Variants in NDUFS4 observed in about 807,000 individuals in gnomAD.
NDUFS4 encodes the protein NADH:ubiquinone oxidoreductase subunit S4.
NDUFS4 carries 28 observed loss-of-function variants against 24.3 expected under a neutral mutation model. That is an observed-to-expected ratio of 1.15 (90% confidence interval 0.85 to 1.58). The LOEUF is 1.58. NDUFS4 is among the 40% of genes most tolerant of loss of function. The pLI is 0.00. For synonymous variants in NDUFS4, 93 were observed against 69.7 expected (o/e 1.34, Z -1.67); for missense variants, 223 against 207.9 (o/e 1.07, Z -0.45).
intron 4 of NDUFS4, among the ~76,000 whole-genome samples, chr5:53,662,274 G>T (rs1396164921): frequency 6.6e-6 from 1 of 152,084 alleles, no homozygotes; most frequent in African/African-American, 2.4e-5. Context: ...TTTGTCTTTG[G>T]TTCTGTTTAT....
intron 4 of NDUFS4, among the ~76,000 whole-genome samples, chr5:53,673,339 A>G (rs556740441): frequency 4.0e-4 from 61 of 152,236 alleles, no homozygotes; most frequent in African/African-American, 1.4e-3. Context: ...GATTTTCCAG[A>G]GGCCCTCTAG....
chr5:53,630,811 G>T (rs1026272015), intron 2 of NDUFS4, among the ~76,000 whole-genome samples: 2 of 152,004 alleles, frequency 1.3e-5, no homozygotes, highest in Admixed American at 1.3e-4. Flanking sequence ...TAGCTTCCTT[G>T]TTTTGGGTTA....
rs528401800 is a variant in NDUFS4 at position 53,637,231 on chromosome 5, G to A, written c.178-9002G>A. ...GTCCCCAAGTATCCTGAGGTTCCTA[G>A]GCCTTCCAAGAAGTAGCATTCCTTA... is the stretch of plus-strand genomic sequence containing the variant. On this transcript the variant is annotated intron_variant, in intron 2 of 4. Coordinates refer to ENST00000296684, the MANE Select transcript of NDUFS4 (RefSeq NM_002495.4). Among the ~76,000 whole-genome samples, 60 of 152,208 alleles carry A rather than the reference G, an allele frequency of 3.9e-4. 1 individual carries two copies. In the East Asian group the frequency reaches 9.7e-3, roughly 25 times the overall value.
chr5:53,592,974 T>A (rs934494665), intron 1 of NDUFS4, among the ~76,000 whole-genome samples: 2 of 152,166 alleles, frequency 1.3e-5, no homozygotes, highest in African/African-American at 4.8e-5. Flanking sequence ...AATTTTTGCA[T>A]CTATATTTAT....
At chr5:53,609,970 A>G (rs183396022) in intron 2 of NDUFS4, among the ~76,000 whole-genome samples, 61 of 152,282 alleles carry the variant, frequency 4.0e-4, no homozygotes, top group Non-Finnish European at 6.3e-4. Context: ...CCAGTTAGCA[A>G]TAAGGCTGTC....
intron 1 of NDUFS4, chr5:53,573,617 C>T (rs1431936074): frequency 2.2e-6 from 1 of 452,106 alleles, no homozygotes; most frequent in Non-Finnish European, 4.4e-6. Flanking sequence ...GAGACAGGGC[C>T]TTGCTCTGTC....
chr5:53,660,689 G>T (rs1272379025), intron 4 of NDUFS4, among the ~76,000 whole-genome samples: 2 of 151,876 alleles, frequency 1.3e-5, no homozygotes, highest in South Asian at 2.1e-4. Context: ...AATGATCGCC[G>T]TTCTAACTGG....
At chr5:53,682,628 C>CTATAG (rs2111614887) in intron 4 of NDUFS4, among the ~76,000 whole-genome samples, 1 of 152,094 alleles carries the variant, frequency 6.6e-6, no homozygotes, top group East Asian at 1.9e-4. Flanking sequence ...TCCACTTCAA[C>CTATAG]TATAGTACAC....
intron 1 of NDUFS4, among the ~76,000 whole-genome samples, chr5:53,577,083 T>C (rs888912883): frequency 2.6e-5 from 4 of 152,054 alleles, no homozygotes; most frequent in Admixed American, 2.6e-4. Flanking sequence ...ATTTGAGAGC[T>C]TGCCTGGGAA....
At chr5:53,631,315 T>C (rs1268363115) in intron 2 of NDUFS4, among the ~76,000 whole-genome samples, 2 of 152,206 alleles carry the variant, frequency 1.3e-5, no homozygotes, top group Non-Finnish European at 2.9e-5. Context: ...ATGAGGTGTC[T>C]GTCGGCCCCT....
At chr5:53,570,770 G>A (rs371928712) in intron 1 of NDUFS4, among the ~76,000 whole-genome samples, 26 of 143,132 alleles carry the variant, frequency 1.8e-4, no homozygotes, top group South Asian at 1.4e-3. Context: ...TGCAAGCTCC[G>A]CCTCCCAGGT....
chr5:53,607,753 A>C (rs1579866389), intron 2 of NDUFS4, among the ~76,000 whole-genome samples: 1 of 152,210 alleles, frequency 6.6e-6, no homozygotes, highest in East Asian at 1.9e-4. Context: ...TATCTGTATG[A>C]TAATGAGTTT....
intron 2 of NDUFS4, among the ~76,000 whole-genome samples, chr5:53,641,766 T>C (rs1253221306): frequency 6.6e-6 from 1 of 152,160 alleles, no homozygotes; most frequent in Admixed American, 6.6e-5. Context: ...TTAATGAGTT[T>C]CTTGCTTTAA....
At chr5:53,633,686 G>A (rs1751472564) in intron 2 of NDUFS4, among the ~76,000 whole-genome samples, 1 of 151,892 alleles carries the variant, frequency 6.6e-6, no homozygotes, top group South Asian at 2.1e-4. Context: ...CTTTTGTTTT[G>A]GGACCCTCAA....
At chr5:53,680,709 C>G (rs11748487) in intron 4 of NDUFS4, among the ~76,000 whole-genome samples, 1 of 147,368 alleles carries the variant, frequency 6.8e-6, no homozygotes, top group Non-Finnish European at 1.5e-5. Context: ...GTGGGGGGAG[C>G]GGGGAGGGAT....
In NDUFS4 at chr5:53,646,305, C is replaced by T. The variant is rs184765529; in HGVS notation, c.250C>T (p.Arg84Cys). 28 of 1,613,058 alleles carry T rather than the reference C, an allele frequency of 1.7e-5. No homozygotes were observed. The highest frequency in any genetic ancestry group is 5.5e-5 in the South Asian group (5 of 91,034). ...AAAAGTCAGGATCTTTGTTCCTGCT[C>T]GCAATAACATGCAGTCTGGAGTAAA... Reference protein sequence around the residue: ...TRKVRIFVPARNNMQSGVNNT... With the variant: ...TRKVRIFVPACNNMQSGVNNT... Residue 84 changes from arginine (R) to cysteine (C), a missense_variant, in exon 3 of 5, where the codon CGC becomes TGC. Arg to Cys is a radical substitution (Grantham distance 180). Coordinates refer to ENST00000296684, the MANE Select transcript of NDUFS4 (RefSeq NM_002495.4).
intron 4 of NDUFS4, among the ~76,000 whole-genome samples, chr5:53,680,154 G>GTTTA (rs57890540): frequency 0.13 from 19,129 of 151,872 alleles, 2,198 homozygotes; most frequent in East Asian, 0.46. Context: ...ACCTTAGGCT[G>GTTTA]TTTATTTTCT....
chr5:53,659,508 C>T (rs370443341), intron 4 of NDUFS4, among the ~76,000 whole-genome samples: 5 of 152,222 alleles, frequency 3.3e-5, no homozygotes, highest in East Asian at 3.9e-4. Flanking sequence ...ATAGCTGATA[C>T]GTAATAGATA....
intron 2 of NDUFS4, among the ~76,000 whole-genome samples, chr5:53,616,175 T>C (rs939495473): frequency 1.3e-5 from 2 of 152,074 alleles, no homozygotes; most frequent in African/African-American, 4.8e-5. Flanking sequence ...TTGTCTCTTA[T>C]TTATAATGTA....
Sources: gnomAD v4.1 joint callset for allele counts (sites outside exome capture counted in the v4.1 genomes callset) on GRCh38, gnomAD v4.1.1 for gene constraint, MANE v1.5 for transcripts, NCBI Gene and HGNC (gene_info 2026-07-23, HGNC 2026-07-21) for gene names.